AGBL4: variants seen among roughly 807,000 people sequenced by gnomAD.
AGBL4 encodes the protein cytosolic carboxypeptidase 6.
Under a neutral mutation model 66.4 loss-of-function variants are expected in AGBL4, and 58 were observed. That is an observed-to-expected ratio of 0.87 (90% confidence interval 0.71 to 1.09). AGBL4 has a LOEUF of 1.09. AGBL4 is among the 50% of genes least tolerant of loss of function. The probability of loss-of-function intolerance (pLI) is 0.00; values close to 1 mark genes in which losing one functional copy is unlikely to be tolerated. For synonymous variants in AGBL4, 234 were observed against 222.9 expected, an observed-to-expected ratio of 1.05 and a Z score of -0.44; for missense variants, 579 against 631.0, an observed-to-expected ratio of 0.92 and a Z score of 0.88.
intron 4 of AGBL4, among the ~76,000 whole-genome samples, chr1:49,151,378 A>T (rs1305968868): frequency 1.3e-5 from 2 of 151,528 alleles, no homozygotes; most frequent in Non-Finnish European, 2.9e-5. Flanking sequence ...TATTTGTTTA[A>T]GTTTTCCAAT....
intron 3 of AGBL4, among the ~76,000 whole-genome samples, chr1:49,546,391 A>C (rs1346029924): frequency 6.6e-6 from 1 of 151,608 alleles, no homozygotes; most frequent in Non-Finnish European, 1.5e-5. Flanking sequence ...TATATACCAC[A>C]GTGTCTTTAT....
intron 6 of AGBL4, among the ~76,000 whole-genome samples, chr1:48,710,654 C>G (rs2148517394): frequency 6.6e-6 from 1 of 152,262 alleles, no homozygotes; most frequent in African/African-American, 2.4e-5. Context: ...CATTCATTCT[C>G]CATCCCTGCT....
At chr1:48,879,157 A>G (rs1192055208) in intron 5 of AGBL4, among the ~76,000 whole-genome samples, 2 of 151,994 alleles carry the variant, frequency 1.3e-5, no homozygotes, top group Non-Finnish European at 2.9e-5. Flanking sequence ...AAGCAAAATG[A>G]TACCTTTTGT....
chr1:49,292,333 G>A (rs957698329), intron 3 of AGBL4, among the ~76,000 whole-genome samples: 6 of 152,208 alleles, frequency 3.9e-5, no homozygotes, highest in African/African-American at 1.4e-4. Context: ...AGGCAGACAG[G>A]TTCCTGGGCA....
intron 6 of AGBL4, among the ~76,000 whole-genome samples, chr1:48,690,474 A>G (rs1171580752): frequency 2.0e-5 from 3 of 152,168 alleles, no homozygotes; most frequent in African/African-American, 7.2e-5. Flanking sequence ...AGAAAGAAGG[A>G]CCACTGGAGA....
intron 11 of AGBL4, among the ~76,000 whole-genome samples, chr1:48,580,180 G>A (rs963683510): frequency 2.0e-5 from 3 of 152,146 alleles, no homozygotes; most frequent in Admixed American, 6.5e-5. Context: ...GATCACCAGA[G>A]GCTTAGGAAG....
chr1:49,934,928 A>G (rs1446000913), intron 1 of AGBL4, among the ~76,000 whole-genome samples: 1 of 152,140 alleles, frequency 6.6e-6, no homozygotes, highest in East Asian at 1.9e-4. Flanking sequence ...CGATTTCCGC[A>G]TTTCCATCTG....
rs934164939 is a variant in AGBL4, at chr1:49,667,080, G to A, written c.282+30233C>T. ...ACTATCAAAACAAGAAGATAGTTGT[G>A]AGAAACAAATAATATAATACATGTT... is the stretch of plus-strand genomic sequence containing the variant. On this transcript the variant is annotated intron_variant, in intron 3 of 13. Coordinates refer to ENST00000371839, the MANE Select transcript of AGBL4 (RefSeq NM_032785.4). Among the ~76,000 whole-genome samples, 5 of 152,260 alleles carry A rather than the reference G, an allele frequency of 3.3e-5. No individual in the cohort carries two copies. The South Asian group carries it at 1.0e-3, about 32-fold the overall frequency.
intron 1 of AGBL4, among the ~76,000 whole-genome samples, chr1:49,952,179 A>C (rs1367508931): frequency 1.3e-5 from 2 of 151,908 alleles, no homozygotes; most frequent in Non-Finnish European, 2.9e-5. Flanking sequence ...ACCCAATTTG[A>C]AAAAAAGGTA....
At chr1:49,738,425 A>G (rs1157005307) in intron 2 of AGBL4, among the ~76,000 whole-genome samples, 1 of 152,188 alleles carries the variant, frequency 6.6e-6, no homozygotes, top group Non-Finnish European at 1.5e-5. Flanking sequence ...AACTGGGTGG[A>G]GCCCACCGCA....
intron 6 of AGBL4, among the ~76,000 whole-genome samples, chr1:48,760,473 T>C (rs1199527788): frequency 6.6e-6 from 1 of 152,232 alleles, no homozygotes; most frequent in Non-Finnish European, 1.5e-5. Flanking sequence ...TCGTTTTATC[T>C]GCTGAGATAA....
chr1:49,036,604 T>C (rs1664676672), intron 5 of AGBL4, among the ~76,000 whole-genome samples: 1 of 152,012 alleles, frequency 6.6e-6, no homozygotes, highest in South Asian at 2.1e-4. Flanking sequence ...CTCCCTCTAT[T>C]GCCAGGCTGG....
chr1:49,069,206 C>G (rs1459070932), intron 4 of AGBL4, among the ~76,000 whole-genome samples: 1 of 152,076 alleles, frequency 6.6e-6, no homozygotes, highest in South Asian at 2.1e-4. Context: ...ATGGTAGTTT[C>G]TTTTGCTGTG....
intron 3 of AGBL4, among the ~76,000 whole-genome samples, chr1:49,402,936 G>A (rs1411672831): frequency 6.6e-6 from 1 of 152,166 alleles, no homozygotes; most frequent in Non-Finnish European, 1.5e-5. Flanking sequence ...AGTGATGCAT[G>A]TGCTGAGGAA....
At chr1:49,444,413 A>T (rs182326027) in intron 3 of AGBL4, among the ~76,000 whole-genome samples, 2 of 152,172 alleles carry the variant, frequency 1.3e-5, no homozygotes, top group Admixed American at 6.5e-5. Flanking sequence ...GTAGACTTAA[A>T]TATTCTTATA....
chr1:49,408,493 A>G (rs928513633), intron 3 of AGBL4, among the ~76,000 whole-genome samples: 1 of 152,152 alleles, frequency 6.6e-6, no homozygotes, highest in Non-Finnish European at 1.5e-5. Flanking sequence ...GCCAAAGGAG[A>G]TTAACATTTG....
chr1:49,745,877 C>T (rs1435367972), intron 2 of AGBL4, among the ~76,000 whole-genome samples: 1 of 151,820 alleles, frequency 6.6e-6, no homozygotes, highest in African/African-American at 2.4e-5. Context: ...AAAAACCCAA[C>T]TAGACTTAAC....
chr1:49,679,799 A>C (rs1646653224), intron 3 of AGBL4, among the ~76,000 whole-genome samples: 1 of 152,112 alleles, frequency 6.6e-6, no homozygotes, highest in South Asian at 2.1e-4. Flanking sequence ...ATCATAGTCT[A>C]CTTTGTCAAC....
At chr1:49,100,629 T>G in intron 4 of AGBL4, among the ~76,000 whole-genome samples, 1 of 152,142 alleles carries the variant, frequency 6.6e-6, no homozygotes, top group African/African-American at 2.4e-5. Context: ...GAAGGCTGCA[T>G]GCCTAGGCCA....
Sources: gnomAD v4.1 joint callset for allele counts (sites outside exome capture counted in the v4.1 genomes callset) on GRCh38, gnomAD v4.1.1 for gene constraint, MANE v1.5 for transcripts, NCBI Gene and HGNC (gene_info 2026-07-23, HGNC 2026-07-21) for gene names.